The following DNHD1 variants were observed in gnomAD, a reference collection of about 807,000 sequenced individuals.
DNHD1 encodes the protein dynein heavy chain domain 1, also known as dynein heavy chain domain-containing protein 1.
Under a neutral mutation model 458.1 loss-of-function variants are expected in DNHD1, and 383 were observed. That is an observed-to-expected ratio of 0.84 (90% CI 0.77 to 0.91). The LOEUF is 0.91. DNHD1 is among the 40% of genes least tolerant of loss of function. The pLI, the probability that DNHD1 is intolerant of heterozygous loss-of-function variation, is 0.00. For missense variants in DNHD1, 5,336 were observed against 5,866.1 expected, an observed-to-expected ratio of 0.91 and a Z score of 2.95; for synonymous variants, 2,203 against 2,376.9, an observed-to-expected ratio of 0.93 and a Z score of 2.13.
Position 6,539,921 on chromosome 11 carries a change from CGG to C in DNHD1, c.3467_3468del (p.Arg1156ProfsTer47). 1 of 1,551,718 alleles carries C rather than the reference CGG, an allele frequency of 6.4e-7. No homozygotes were observed. ...NERIHAQETI[R>X]RLQRYWEARQ... is the part of the protein sequence containing the mutation. ...ACGAATTCATGCCCAAGAGACTATA[CGG>C]CGGTTGCAGCGGTACTGGGAAGCGC... On this transcript the variant is annotated frameshift_variant, in exon 18 of 43. Coordinates refer to ENST00000254579, the MANE Select transcript of DNHD1 (RefSeq NM_144666.3).
At chr11:6,512,844 C>T (rs1413573946) in intron 7 of DNHD1, among the ~76,000 whole-genome samples, 1 of 152,066 alleles carries the variant, frequency 6.6e-6, no homozygotes, top group African/African-American at 2.4e-5. Flanking sequence ...TATTATTGAA[C>T]GTCTTTACAC....
Position 6,571,203 on chromosome 11 carries a change from G to T in DNHD1, c.13691G>T (p.Arg4564Leu), listed in dbSNP as rs533485130. ...TCGCGCCGTGGGCAACTGTTGGTTC[G>T]TTACTTGGGCGTGGGCGCGGACGCG... Reference protein sequence around the residue: ...QLSRRGQLLVRYLGVGADASS... With the variant: ...QLSRRGQLLVLYLGVGADASS... Residue 4564 changes from arginine to leucine, a missense_variant, in exon 42 of 43, where the codon CGT (arginine) becomes CTT (leucine). Arg to Leu is a moderately radical substitution (Grantham distance 102, BLOSUM62 -2). Around this residue, in one of 4 missense-constraint regions of DNHD1, gnomAD observed 698 missense variants for 664.9 expected, o/e 1.05. Coordinates refer to ENST00000254579, the MANE Select transcript of DNHD1 (RefSeq NM_144666.3). This position sits in a 1 kb window ranked among gnomAD's most constrained non-coding sequence, Gnocchi z 5.0. The T allele has an allele frequency of 8.1e-6, 13 of 1,606,570 alleles. No individual in the cohort carries two copies. The highest frequency in any genetic ancestry group is 1.1e-5 in the Non-Finnish European group (13 of 1,175,724).
At position 6,563,146 on chromosome 11, in the gene DNHD1, C is replaced by A. The variant is rs776860661; in HGVS notation, c.9669+15C>A. On this transcript the variant is annotated intron_variant, in intron 29 of 42. Coordinates refer to ENST00000254579, the MANE Select transcript of DNHD1 (RefSeq NM_144666.3). The stretch of plus-strand genomic sequence containing the variant: ...TCCTGGAGCAGGTGGGCTCTTCCTG[C>A]CGCCTGCCCTGCACTGCTCCTCTCT... 1.3e-6 allele frequency: 2 copies of A among 1,551,514 alleles called. No homozygotes were observed. Among genetic ancestry groups the A allele is most frequent in the African/African-American group, 2.7e-5 (2 of 73,028 alleles).
In DNHD1 at chr11:6,547,961, A is replaced by G; in HGVS notation, c.6826A>G (p.Lys2276Glu). Residue 2276 changes from lysine (K) to glutamate (E), a missense_variant, in exon 22 of 43, where the codon AAG (lysine) becomes GAG (glutamate). Coordinates refer to ENST00000254579, the MANE Select transcript of DNHD1 (RefSeq NM_144666.3). ...GGTTGACAGTGACGATGTGCCAGAT[A>G]AGTGCAGGGAACACTTGCTGGCTGT... ...SQVDSDDVPD[K>E]CREHLLAVSS... 1 of 1,551,834 alleles carries G rather than the reference A, an allele frequency of 6.4e-7. No homozygotes were observed. The highest frequency in any genetic ancestry group is 1.2e-5 in the South Asian group (1 of 84,058).
In DNHD1 at chr11:6,520,033, G is replaced by A. The variant is rs1852573424; in HGVS notation, c.1716G>A (p.Val572=). 6.2e-7 allele frequency: 1 copy of A among 1,614,036 alleles called. No individual in the cohort carries two copies. The highest frequency in any genetic ancestry group is 1.3e-5 in the African/African-American group (1 of 74,894). Residue 572 remains valine, a synonymous_variant, in exon 9 of 43, where the codon GTG becomes GTA. Coordinates refer to ENST00000254579, the MANE Select transcript of DNHD1 (RefSeq NM_144666.3). ...VFDDHGQLSH[V]PCVENMIQTL... is the part of the protein sequence containing the mutation. ...ATGATCATGGTCAACTGTCTCATGTGCCCTGTGTTGAAAATATGATCCAGA... is the reference window on the plus strand; with the variant it reads ...ATGATCATGGTCAACTGTCTCATGTACCCTGTGTTGAAAATATGATCCAGA...
chr11:6,558,662 G>A lies in DNHD1; in HGVS notation c.9180G>A (p.Leu3060=), dbSNP rs1217903853. The stretch of plus-strand genomic sequence containing the variant: ...TGGCCAAGGTGGCCCAGCATCACCT[G>A]GAGGGTGCTCAGAGTGTGCCCCTTG... The part of the protein sequence containing the change: ...AALAKVAQHH[L]EGAQSVPLDD... Residue 3060 remains leucine, a synonymous_variant, in exon 26 of 43, where the codon CTG becomes CTA. Transcript: ENST00000254579. The A allele has an allele frequency of 6.4e-7, 1 of 1,551,024 alleles. No homozygotes were observed. The highest frequency in any genetic ancestry group is 1.4e-5 in the African/African-American group (1 of 73,054).
rs1023822476 is a variant in DNHD1 at position 6,529,041 on chromosome 11, G to T, written c.2267G>T (p.Arg756Leu). The T allele has an allele frequency of 6.4e-7, 1 of 1,551,116 alleles. No homozygotes were observed. The highest frequency in any genetic ancestry group is 1.4e-5 in the African/African-American group (1 of 73,152). Residue 756 changes from arginine to leucine, a missense_variant, in exon 12 of 43, where the codon CGT becomes CTT. Physicochemically the swap from Arg to Leu is moderately radical, Grantham distance 102. Transcript: ENST00000254579. ...LVSRLNVWQA[R>L]VSSMPIELLT... is the part of the protein sequence containing the mutation. Reference sequence around the variant, plus strand: ...AGCCGCCTGAATGTTTGGCAGGCCCGTGTCTCCAGTATGCCTATCGAGTTG... The same window carrying T: ...AGCCGCCTGAATGTTTGGCAGGCCCTTGTCTCCAGTATGCCTATCGAGTTG...
intron 24 of DNHD1, among the ~76,000 whole-genome samples, chr11:6,555,846 G>A (rs567353235): frequency 6.6e-6 from 1 of 152,312 alleles, no homozygotes; most frequent in African/African-American, 2.4e-5. Flanking sequence ...TTTCTAGGGT[G>A]ATGAAAATGT....
Position 6,531,457 on chromosome 11 carries a change from C to T in DNHD1, c.2348-1570C>T, listed in dbSNP as rs111737399. ...CAATGCATTGCTCCTTTATACCATACGGTGTCACTGTTGAGCTCCCATCTG... is the reference window on the plus strand; with the variant it reads ...CAATGCATTGCTCCTTTATACCATATGGTGTCACTGTTGAGCTCCCATCTG... On this transcript the variant is annotated intron_variant, in intron 12 of 42. Transcript: ENST00000254579. 2.2e-3 allele frequency among the ~76,000 whole-genome samples: 328 copies of T among 152,312 alleles called. 1 individual carries two copies. Among genetic ancestry groups the T allele is most frequent in the African/African-American group, 7.4e-3 (308 of 41,550 alleles).
At position 6,497,902 on chromosome 11, in the gene DNHD1, AC is replaced by A. The variant is rs879461313; in HGVS notation, c.-313del. The A allele has an allele frequency of 1.1e-5, 4 of 357,276 alleles. No individual in the cohort carries two copies. Among genetic ancestry groups the A allele is most frequent in the African/African-American group, 2.1e-5 (1 of 48,602 alleles). 22.1% of individuals were successfully genotyped at this position (357,276 alleles called of 1,614,324 possible). A position where few individuals can be genotyped will look rare whatever the true frequency, so the allele number is the denominator to read the frequency against. Reference sequence around the variant, plus strand: ...GAACTCTTCTGCAAGGAGGGCTCTCACGTCTGTCTTAGGCCTGCTCCTTACC... The same window carrying A: ...GAACTCTTCTGCAAGGAGGGCTCTCAGTCTGTCTTAGGCCTGCTCCTTACC... On this transcript the variant is annotated 5_prime_UTR_variant, in exon 3 of 43. An upstream open reading frame in the 5' UTR gains an earlier in-frame stop. Coordinates refer to ENST00000254579, the MANE Select transcript of DNHD1 (RefSeq NM_144666.3).
In DNHD1 at chr11:6,556,830, G is replaced by C; in HGVS notation, c.7535G>C (p.Arg2512Pro). ...GTCACAGTGCCAGGATACTGTGAGCGCCCACTGTGTCCACGCCTCTTTCGA... is the reference window on the plus strand; with the variant it reads ...GTCACAGTGCCAGGATACTGTGAGCCCCCACTGTGTCCACGCCTCTTTCGA... ...ATVTVPGYCE[R>P]PLCPRLFRLF... The change falls in exon 25 of 43, where the codon CGC (arginine) becomes CCC (proline). Residue 2512 changes from arginine (R) to proline (P), a missense_variant. Arg to Pro is a moderately radical substitution (Grantham distance 103). Around this residue, in one of 4 missense-constraint regions of DNHD1, gnomAD observed 3,932 missense variants for 4,365.6 expected, o/e 0.90. Coordinates refer to ENST00000254579, the MANE Select transcript of DNHD1 (RefSeq NM_144666.3). 1.3e-6 allele frequency: 2 copies of C among 1,551,604 alleles called. No homozygotes were observed. The highest frequency in any genetic ancestry group is 1.7e-6 in the Non-Finnish European group (2 of 1,146,978).
chr11:6,526,400 T>G (rs1393311311), intron 10 of DNHD1, among the ~76,000 whole-genome samples: 2 of 152,202 alleles, frequency 1.3e-5, no homozygotes, highest in Non-Finnish European at 2.9e-5. Flanking sequence ...TGCTCTGGTT[T>G]TTGACATGCT....
At position 6,533,040 on chromosome 11, in the gene DNHD1, C is replaced by T. The variant is rs1564811218; in HGVS notation, c.2361C>T (p.Asn787=). 6.4e-7 allele frequency: 1 copy of T among 1,551,590 alleles called. No individual in the cohort carries two copies. The highest frequency in any genetic ancestry group is 1.2e-5 in the South Asian group (1 of 84,048). ...TCCTGTCTCCAGAATCCAAGCTGAA[C>T]AGCATAAGGAAGGACATTCTTGCAC... is the stretch of plus-strand genomic sequence containing the variant. ...DVQAEMESKL[N]SIRKDILAHV... is the part of the protein sequence containing the mutation. Residue 787 remains asparagine (N), a synonymous_variant, in exon 13 of 43, where the codon AAC becomes AAT. Transcript: ENST00000254579.
At chr11:6,559,418 C>A in intron 28 of DNHD1, 135 bp downstream of exon 28, 1 of 722,852 alleles carries the variant, frequency 1.4e-6, no homozygotes, top group East Asian at 2.7e-5. Context: ...TCTCTCTGAT[C>A]TCCGCTGCCT....
intron 4 of DNHD1, 74 bp from the exon 5 acceptor site, chr11:6,508,806 T>G: frequency 6.9e-7 from 1 of 1,439,904 alleles, no homozygotes; most frequent in Non-Finnish European, 9.6e-7. Context: ...TTTCATCTCC[T>G]GTATCCTCCT....
intron 3 of DNHD1, among the ~76,000 whole-genome samples, chr11:6,500,128 C>A (rs1399502264): frequency 6.6e-6 from 1 of 152,098 alleles, no homozygotes; most frequent in African/African-American, 2.4e-5. Context: ...CCACGCTCAG[C>A]TGATTTTTGT....
intron 14 of DNHD1, 119 bp from the exon 15 acceptor site, chr11:6,538,264 C>T (rs1172674443): frequency 2.5e-6 from 2 of 811,400 alleles, no homozygotes; most frequent in East Asian, 2.7e-5. Flanking sequence ...CCTCCCCCAC[C>T]CCCAACCATC....
chr11:6,553,940 A>G (rs978220865), intron 24 of DNHD1, among the ~76,000 whole-genome samples: 2 of 148,122 alleles, frequency 1.4e-5, no homozygotes, highest in African/African-American at 5.0e-5. Flanking sequence ...ATTCAATGCA[A>G]TGCCAAGCTA....
intron 14 of DNHD1, among the ~76,000 whole-genome samples, chr11:6,536,938 T>A (rs1230547716): frequency 6.6e-6 from 1 of 152,238 alleles, no homozygotes; most frequent in Non-Finnish European, 1.5e-5. Flanking sequence ...TCATTTTACT[T>A]TTTGTCAGAT....
Sources: allele counts gnomAD v4.1 joint callset (sites outside exome capture counted in the v4.1 genomes callset), GRCh38; gene constraint gnomAD v4.1.1; regional missense constraint gnomAD v4.1.1; non-coding constraint Gnocchi (gnomAD v3.1); transcripts MANE v1.5; gene names NCBI Gene and HGNC (gene_info 2026-07-23, HGNC 2026-07-21).